SNCAIP: variants seen among roughly 807,000 people sequenced by gnomAD.
SNCAIP encodes synuclein alpha interacting protein.
SNCAIP carries 43 observed loss-of-function variants against 86.7 expected under a neutral mutation model. That is an observed-to-expected ratio of 0.50 (90% CI 0.39 to 0.64). The LOEUF is 0.64. Among genes scored for constraint, SNCAIP ranks in the 30% least tolerant of loss-of-function variants. The probability of loss-of-function intolerance (pLI) is 0.00; values close to 1 mark genes in which losing one functional copy is unlikely to be tolerated. For synonymous variants in SNCAIP, 417 were observed against 427.2 expected, an observed-to-expected ratio of 0.98 and a Z score of 0.29; for missense variants, 981 against 1,103.1, an observed-to-expected ratio of 0.89 and a Z score of 1.57.
intron 1 of SNCAIP, among the ~76,000 whole-genome samples, chr5:122,359,034 A>C (rs1330366123): frequency 1.5e-5 from 1 of 68,560 alleles, no homozygotes; most frequent in Non-Finnish European, 2.9e-5. Flanking sequence ...TTAAATTATA[A>C]TCTGGAGCCT....
intron 1 of SNCAIP, among the ~76,000 whole-genome samples, chr5:122,341,195 C>T (rs534274125): frequency 9.2e-5 from 14 of 152,226 alleles, no homozygotes; most frequent in Middle Eastern, 3.4e-3. Context: ...TGACAGGGCA[C>T]GTTTTTAAAG....
rs533588301 is a variant in SNCAIP, at chr5:122,378,543, A to C, written c.-46-12546A>C. ...TTGCTGTGCAGAAGCTCTTTAGTTTAATTAGATCCCATTTGTCAATTTTGT... is the reference window on the plus strand; with the variant it reads ...TTGCTGTGCAGAAGCTCTTTAGTTTCATTAGATCCCATTTGTCAATTTTGT... On this transcript the variant is annotated intron_variant, in intron 1 of 10. Transcript: ENST00000261368. Among the ~76,000 whole-genome samples the C allele has an allele frequency of 7.0e-5, 10 of 142,518 alleles. 2 individuals are homozygous for C. The South Asian group carries it at 2.6e-3, about 37-fold the overall frequency. The allele number at this position is 142,518 out of a possible 152,430, so 93.5% of individuals were successfully genotyped here. A position where few individuals can be genotyped will look rare whatever the true frequency, so the allele number is the denominator to read the frequency against.
intron 1 of SNCAIP, 143 bp from the exon 2 acceptor site, chr5:122,390,946 C>G (rs1185090351): frequency 3.3e-6 from 2 of 607,258 alleles, no homozygotes; most frequent in African/African-American, 3.7e-5. Context: ...AGGCTGTGGA[C>G]AGTTGAAGGA....
intron 7 of SNCAIP, among the ~76,000 whole-genome samples, chr5:122,443,375 T>C (rs1781509734): frequency 6.6e-6 from 1 of 152,222 alleles, no homozygotes; most frequent in Non-Finnish European, 1.5e-5. Context: ...TATCACAGTA[T>C]GGACACAAAA....
At position 122,422,892 on chromosome 5, in the gene SNCAIP, G is replaced by A; in HGVS notation, c.155G>A (p.Gly52Asp). The A allele has an allele frequency of 1.2e-6, 2 of 1,613,872 alleles. No individual in the cohort carries two copies. Among genetic ancestry groups the A allele is most frequent in the Non-Finnish European group, 1.7e-6 (2 of 1,179,804 alleles). Residue 52 changes from glycine (G) to aspartate (D), a missense_variant, in exon 4 of 11, where the codon GGC (glycine) becomes GAC (aspartate). Coordinates refer to ENST00000261368, the MANE Select transcript of SNCAIP (RefSeq NM_005460.4). ...GTTTCTAGCTCTAGCTGGAATTGTG[G>A]CATCTCAACTCTTATTACAAACACG... ...RSVSSSSWNC[G>D]ISTLITNTQK...
intron 1 of SNCAIP, among the ~76,000 whole-genome samples, chr5:122,356,883 T>C (rs889555460): frequency 6.6e-6 from 1 of 152,228 alleles, no homozygotes; most frequent in Admixed American, 6.5e-5. Flanking sequence ...GTTTCTGCTC[T>C]TCTAGTTTGA....
chr5:122,344,445 CATTTTATATA>C (rs1001581781), intron 1 of SNCAIP, among the ~76,000 whole-genome samples: 1 of 152,116 alleles, frequency 6.6e-6, no homozygotes, highest in African/African-American at 2.4e-5. Context: ...GCTTTTCCCT[CATTTTATATA>C]ATTAGTTTTG....
intron 2 of SNCAIP, among the ~76,000 whole-genome samples, chr5:122,399,825 C>T (rs1266201620): frequency 1.3e-5 from 2 of 152,130 alleles, no homozygotes; most frequent in East Asian, 1.9e-4. Context: ...ACAACTTCAT[C>T]GTGCGTTATA....
chr5:122,331,431 T>G (rs931545530), intron 1 of SNCAIP, among the ~76,000 whole-genome samples: 1 of 152,182 alleles, frequency 6.6e-6, no homozygotes, highest in Non-Finnish European at 1.5e-5. Context: ...TCTCTACATA[T>G]TTTCAATGTA....
In SNCAIP at chr5:122,335,177, T is replaced by C. The variant is rs186696809; in HGVS notation, c.-47+22893T>C. ...AATCTGACATTTTAGCGTTTATCTT[T>C]GGTGGAAATTGTTGTTAGGAGGAAA... On this transcript the variant is annotated intron_variant, in intron 1 of 10. Transcript: ENST00000261368. Among the ~76,000 whole-genome samples the C allele has an allele frequency of 5.3e-5, 8 of 152,324 alleles. No individual in the cohort carries two copies. The South Asian group carries it at 1.2e-3, about 24-fold the overall frequency.
rs1366759564 is a variant in SNCAIP at position 122,448,603 on chromosome 5, TTA to T, written c.1593-1234_1593-1233del. Among the ~76,000 whole-genome samples, 5 of 138,526 alleles carry T rather than the reference TTA, an allele frequency of 3.6e-5. 1 individual carries two copies. Among genetic ancestry groups the T allele is most frequent in the East Asian group, 2.0e-4 (1 of 5,014 alleles). The allele number at this position is 138,526 out of a possible 152,430, so 90.9% of individuals were successfully genotyped here. A position where few individuals can be genotyped will look rare whatever the true frequency, so the allele number is the denominator to read the frequency against. ...TATTTTATATATATTTTTATATATA[TTA>T]TATATATTTTTATATATATAATATA... On this transcript the variant is annotated intron_variant, in intron 8 of 10. Transcript: ENST00000261368.
intron 3 of SNCAIP, among the ~76,000 whole-genome samples, chr5:122,405,907 A>G (rs1310576097): frequency 6.6e-6 from 1 of 152,154 alleles, no homozygotes; most frequent in African/African-American, 2.4e-5. Flanking sequence ...GCCAGTTTCA[A>G]ACTTAGAAGC....
chr5:122,370,319 TTTTATTGATA>T (rs1230122771), intron 1 of SNCAIP, among the ~76,000 whole-genome samples: 2 of 151,702 alleles, frequency 1.3e-5, no homozygotes, highest in Non-Finnish European at 2.9e-5. Flanking sequence ...GGATTATTCT[TTTTATTGATA>T]TTTATTGATA....
intron 5 of SNCAIP, among the ~76,000 whole-genome samples, chr5:122,427,551 C>T (rs909696421): frequency 3.9e-5 from 6 of 152,146 alleles, no homozygotes; most frequent in Non-Finnish European, 5.9e-5. Context: ...ATAACAAGTG[C>T]TTCCCTCTTT....
chr5:122,377,037 GA>G (rs1308358622), intron 1 of SNCAIP, among the ~76,000 whole-genome samples: 1 of 152,144 alleles, frequency 6.6e-6, no homozygotes, highest in Non-Finnish European at 1.5e-5. Context: ...AAGCCCATTT[GA>G]AATACCATAC....
intron 10 of SNCAIP, among the ~76,000 whole-genome samples, chr5:122,453,700 C>T (rs896020897): frequency 6.6e-6 from 1 of 152,100 alleles, no homozygotes; most frequent in Non-Finnish European, 1.5e-5. Context: ...AACCAGTATG[C>T]CTTAATTGGT....
At chr5:122,414,377 T>G (rs531686860) in intron 3 of SNCAIP, among the ~76,000 whole-genome samples, 2 of 150,958 alleles carry the variant, frequency 1.3e-5, no homozygotes, top group Non-Finnish European at 3.0e-5. Context: ...ATTACAGGCA[T>G]GCACCACCAT....
intron 1 of SNCAIP, among the ~76,000 whole-genome samples, chr5:122,335,554 C>G (rs1339719542): frequency 2.0e-5 from 3 of 152,160 alleles, no homozygotes; most frequent in Non-Finnish European, 4.4e-5. Flanking sequence ...TGCACTTTAA[C>G]TGTTGTACAT....
At chr5:122,410,212 A>G (rs1352254145) in intron 3 of SNCAIP, among the ~76,000 whole-genome samples, 1 of 152,208 alleles carries the variant, frequency 6.6e-6, no homozygotes, top group Non-Finnish European at 1.5e-5. Context: ...AAACAAAATT[A>G]CTGCACTTCT....
Sources: gnomAD v4.1 joint callset for allele counts (sites outside exome capture counted in the v4.1 genomes callset) on GRCh38, gnomAD v4.1.1 for gene constraint, MANE v1.5 for transcripts, NCBI Gene and HGNC (gene_info 2026-07-23, HGNC 2026-07-21) for gene names.